CLDN10: variants seen among roughly 807,000 people sequenced by gnomAD.
CLDN10 encodes the protein claudin-10.
In CLDN10, 15 loss-of-function variants were observed where a neutral mutation model predicts 22.9. That is an observed-to-expected ratio of 0.65 (90% confidence interval 0.44 to 1.01). CLDN10 has a LOEUF of 1.01. Among genes scored for constraint, CLDN10 ranks in the 50% least tolerant of loss-of-function variants. The pLI is 0.00. For missense variants in CLDN10, 247 were observed against 287.8 expected (o/e 0.86, Z 1.03); for synonymous variants, 114 against 111.4 (o/e 1.02, Z -0.15).
At chr13:95,563,115 T>G (rs1262714436) in intron 3 of CLDN10, among the ~76,000 whole-genome samples, 4 of 151,530 alleles carry the variant, frequency 2.6e-5, no homozygotes, top group Admixed American at 6.6e-5. Flanking sequence ...TCTCTCTCTC[T>G]CTCTCTCTCT....
chr13:95,442,324 A>G (rs2139066802), intron 1 of CLDN10, among the ~76,000 whole-genome samples: 1 of 152,294 alleles, frequency 6.6e-6, no homozygotes. Flanking sequence ...TTTGTTTCCA[A>G]CCAGGACTGC....
intron 1 of CLDN10, among the ~76,000 whole-genome samples, chr13:95,518,619 G>A (rs757348569): frequency 1.2e-4 from 18 of 152,110 alleles, no homozygotes; most frequent in Admixed American, 3.3e-4. Context: ...AGCTGGGCAT[G>A]GTGGTGGCGC....
intron 1 of CLDN10, among the ~76,000 whole-genome samples, chr13:95,515,732 T>C (rs1430590391): frequency 3.9e-5 from 6 of 152,168 alleles, no homozygotes; most frequent in Non-Finnish European, 5.9e-5. Flanking sequence ...GTTTGCTTGA[T>C]GATGGCTTGT....
chr13:95,516,265 T>C (rs1175239232), intron 1 of CLDN10, among the ~76,000 whole-genome samples: 2 of 152,298 alleles, frequency 1.3e-5, no homozygotes, highest in Middle Eastern at 3.4e-3. Flanking sequence ...TTGTACAGTA[T>C]CATGACATTA....
At chr13:95,467,996 A>G (rs1216414214) in intron 1 of CLDN10, among the ~76,000 whole-genome samples, 1 of 152,216 alleles carries the variant, frequency 6.6e-6, no homozygotes, top group African/African-American at 2.4e-5. Flanking sequence ...GAGGTCTACA[A>G]TGATCCAAAA....
At position 95,579,609 on chromosome 13, in the gene CLDN10, T is replaced by C. The variant is rs2043986349; in HGVS notation, c.*1595T>C. On this transcript the variant is annotated 3_prime_UTR_variant, in exon 5 of 5. Coordinates refer to ENST00000299339, the MANE Select transcript of CLDN10 (RefSeq NM_006984.5). ...TATCTTTGAGTAAGAAACTGTCCGA[T>C]ATGAATCACAACGTGGGTGAATGTA... 6.6e-6 allele frequency: 1 copy of C among 152,140 alleles called. No homozygotes were observed. The highest frequency in any genetic ancestry group is 1.5e-5 in the Non-Finnish European group (1 of 68,028). The allele number at this position is 152,140 out of a possible 1,614,324, so 9.4% of individuals were successfully genotyped here.
intron 3 of CLDN10, among the ~76,000 whole-genome samples, chr13:95,575,578 C>T (rs562592182): frequency 1.8e-5 from 2 of 112,252 alleles, no homozygotes; most frequent in South Asian, 6.0e-4. Flanking sequence ...CTGTGGACTT[C>T]GCTGCTCAGT....
At chr13:95,483,175 G>A (rs576350529) in intron 1 of CLDN10, among the ~76,000 whole-genome samples, 3 of 151,840 alleles carry the variant, frequency 2.0e-5, no homozygotes, top group African/African-American at 7.2e-5. Flanking sequence ...GCCACTCTGT[G>A]CAGATTCCTG....
intron 1 of CLDN10, among the ~76,000 whole-genome samples, chr13:95,553,212 A>G (rs2043589875): frequency 1.3e-5 from 2 of 152,162 alleles, no homozygotes; most frequent in African/African-American, 4.8e-5. Context: ...GGACACGCAG[A>G]CAGGCCCGGG....
In CLDN10 at chr13:95,577,980, C is replaced by T. The variant is rs1423309121; in HGVS notation, c.653C>T (p.Pro218Leu). 1 of 1,613,152 alleles carries T rather than the reference C, an allele frequency of 6.2e-7. No homozygotes were observed. Among genetic ancestry groups the T allele is most frequent in the Non-Finnish European group, 8.5e-7 (1 of 1,179,252 alleles). ...HGGEDFKTTN[P>L]SKQFDKNAYV ...GGAGAAGATTTTAAAACAACAAACC[C>T]TTCAAAACAGTTTGATAAAAATGCT... The change falls in exon 5 of 5, where the codon CCT becomes CTT. Residue 218 changes from proline (P) to leucine (L), a missense_variant. Physicochemically the swap from Pro to Leu is moderately conservative, Grantham distance 98. Coordinates refer to ENST00000299339, the MANE Select transcript of CLDN10 (RefSeq NM_006984.5).
chr13:95,471,734 G>C (rs988749751), intron 1 of CLDN10, among the ~76,000 whole-genome samples: 1 of 151,872 alleles, frequency 6.6e-6, no homozygotes, highest in East Asian at 1.9e-4. Context: ...TTACAGGCAT[G>C]AGCCACTGCA....
chr13:95,516,209 A>T (rs552443339), intron 1 of CLDN10, among the ~76,000 whole-genome samples: 8 of 152,260 alleles, frequency 5.3e-5, no homozygotes, highest in Non-Finnish European at 1.2e-4. Context: ...GCTTCATAGT[A>T]ATAGAATATT....
intron 1 of CLDN10, among the ~76,000 whole-genome samples, chr13:95,554,979 A>C (rs2043614731): frequency 6.6e-6 from 1 of 151,578 alleles, no homozygotes; most frequent in Non-Finnish European, 1.5e-5. Context: ...ATACTGTCAA[A>C]TTACTTTCCA....
chr13:95,534,680 T>A (rs577956900), intron 1 of CLDN10, among the ~76,000 whole-genome samples: 1 of 152,276 alleles, frequency 6.6e-6, no homozygotes, highest in South Asian at 2.1e-4. Context: ...TAGTGCATCA[T>A]TTTGATAAGA....
chr13:95,446,967 A>G (rs2042386905), intron 1 of CLDN10, among the ~76,000 whole-genome samples: 5 of 152,324 alleles, frequency 3.3e-5, no homozygotes, highest in East Asian at 1.9e-4. Context: ...AGAACGGACT[A>G]CTACTTCTAA....
intron 1 of CLDN10, among the ~76,000 whole-genome samples, chr13:95,559,917 G>C (rs935035393): frequency 6.6e-6 from 1 of 152,156 alleles, no homozygotes; most frequent in African/African-American, 2.4e-5. Context: ...TCTATCCTGA[G>C]GATTCCCCAT....
chr13:95,508,577 T>C (rs891628811), intron 1 of CLDN10, among the ~76,000 whole-genome samples: 5 of 152,218 alleles, frequency 3.3e-5, no homozygotes, highest in African/African-American at 1.2e-4. Context: ...GTTCTTGCCA[T>C]GAGGTAAGGA....
chr13:95,523,720 G>A (rs1458769540), intron 1 of CLDN10, among the ~76,000 whole-genome samples: 1 of 152,176 alleles, frequency 6.6e-6, no homozygotes, highest in Non-Finnish European at 1.5e-5. Flanking sequence ...GAGATTACAG[G>A]AGCAAGCCAC....
chr13:95,560,094 A>G (rs753249422), intron 1 of CLDN10, 38 bp from the exon 2 acceptor site: 2 of 1,562,598 alleles, frequency 1.3e-6, no homozygotes, highest in Admixed American at 1.8e-5. Flanking sequence ...GGACAGCCAC[A>G]TGCTTTATGT....
Sources: allele counts gnomAD v4.1 joint callset (sites outside exome capture counted in the v4.1 genomes callset), GRCh38; gene constraint gnomAD v4.1.1; transcripts MANE v1.5; gene names NCBI Gene and HGNC (gene_info 2026-07-23, HGNC 2026-07-21).